The following SH3D19 variants were observed in gnomAD, a reference collection of about 807,000 sequenced individuals.
The protein encoded by SH3D19 is SH3 domain containing 19.
SH3D19 carries 58 observed loss-of-function variants against 112.1 expected under a neutral mutation model. The ratio of observed to expected loss-of-function variants is 0.52; its 90% confidence interval spans 0.42 to 0.64. SH3D19 has a LOEUF of 0.64. Among genes scored for constraint, SH3D19 ranks in the 30% least tolerant of loss-of-function variants. The probability of loss-of-function intolerance (pLI) is 0.00; values close to 1 mark genes in which losing one functional copy is unlikely to be tolerated. For synonymous variants in SH3D19, 391 were observed against 448.5 expected, an observed-to-expected ratio of 0.87 and a Z score of 1.62; for missense variants, 1,090 against 1,263.4, an observed-to-expected ratio of 0.86 and a Z score of 2.08.
At chr4:151,224,344 T>C (rs1768622334) in intron 2 of SH3D19, among the ~76,000 whole-genome samples, 1 of 152,156 alleles carries the variant, frequency 6.6e-6, no homozygotes, top group Non-Finnish European at 1.5e-5. Flanking sequence ...GAGCTACCAC[T>C]TTTAGCCTGA....
intron 3 of SH3D19, chr4:151,181,623 T>A (rs927376561): frequency 6.6e-6 from 1 of 152,202 alleles, no homozygotes; most frequent in South Asian, 2.1e-4. Flanking sequence ...ATCACCACCA[T>A]CACTAATGCT....
At chr4:151,203,483 G>A (rs902277733) in intron 2 of SH3D19, among the ~76,000 whole-genome samples, 1 of 152,010 alleles carries the variant, frequency 6.6e-6, no homozygotes, top group Non-Finnish European at 1.5e-5. Flanking sequence ...CTAAATTCAG[G>A]AAACACTCAC....
intron 1 of SH3D19, among the ~76,000 whole-genome samples, chr4:151,258,355 A>T (rs1772101600): frequency 6.6e-6 from 1 of 152,246 alleles, no homozygotes; most frequent in South Asian, 2.1e-4. Flanking sequence ...CTAGAGGCCA[A>T]GGACCTAGGG....
At chr4:151,131,804 T>C (rs541500786) in intron 17 of SH3D19, among the ~76,000 whole-genome samples, 1 of 151,086 alleles carries the variant, frequency 6.6e-6, no homozygotes, top group South Asian at 2.1e-4. Flanking sequence ...ATGAATTCTC[T>C]AATCATGTCT....
intron 1 of SH3D19, among the ~76,000 whole-genome samples, chr4:151,315,066 TC>T (rs1451246969): frequency 6.6e-6 from 1 of 152,082 alleles, no homozygotes; most frequent in African/African-American, 2.4e-5. Context: ...GGGATTCCAT[TC>T]ACCAAAAAAG....
At chr4:151,325,176 G>T in intron 1 of SH3D19, 65 bp downstream of exon 1, 1 of 911,172 alleles carries the variant, frequency 1.1e-6, no homozygotes, top group Non-Finnish European at 1.4e-6. Flanking sequence ...GTGTGGGGCA[G>T]GACCCGAGCG....
Position 151,121,985 on chromosome 4 carries a change from A to C in SH3D19, c.*106T>G. The C allele has an allele frequency of 1.5e-6, 1 of 679,580 alleles. No homozygotes were observed. Among genetic ancestry groups the C allele is most frequent in the Non-Finnish European group, 2.6e-6 (1 of 381,474 alleles). 42.1% of individuals were successfully genotyped at this position (679,580 alleles called of 1,614,324 possible). A position where few individuals can be genotyped will look rare whatever the true frequency, so the allele number is the denominator to read the frequency against. ...AATTCTAGTGTACCATGTACAGCTT[A>C]GATATTTCTTTTTCAGTTAAAAAAA... On this transcript the variant is annotated 3_prime_UTR_variant, in exon 20 of 20. Transcript: ENST00000604030.
At chr4:151,214,407 GCCGGGCAGAGGCGCCCCT>G (rs1766558253) in intron 2 of SH3D19, among the ~76,000 whole-genome samples, 1 of 46,944 alleles carries the variant, frequency 2.1e-5, no homozygotes, top group African/African-American at 3.6e-5. Flanking sequence ...CGGGGTGGTG[GCCGGGCAGAGGCGCCCCT>G]CACCTCCCGG....
intron 7 of SH3D19, among the ~76,000 whole-genome samples, chr4:151,173,219 T>A (rs1759373217): frequency 6.6e-6 from 1 of 152,268 alleles, no homozygotes; most frequent in Non-Finnish European, 1.5e-5. Context: ...CTGTTGGGTT[T>A]ATCTATCCCT....
At chr4:151,269,209 T>A (rs1773047048) in intron 1 of SH3D19, among the ~76,000 whole-genome samples, 1 of 152,234 alleles carries the variant, frequency 6.6e-6, no homozygotes, top group Admixed American at 6.5e-5. Context: ...GAGCATTTTT[T>A]CATGTGTTTT....
intron 1 of SH3D19, among the ~76,000 whole-genome samples, chr4:151,229,802 C>A (rs13141040): frequency 6.6e-6 from 1 of 152,154 alleles, no homozygotes; most frequent in African/African-American, 2.4e-5. Context: ...GTAATCCCAG[C>A]TACTCTGCGG....
At chr4:151,143,824 A>G in intron 12 of SH3D19, 86 bp downstream of exon 12, 1 of 1,424,642 alleles carries the variant, frequency 7.0e-7, no homozygotes, top group African/African-American at 1.4e-5. Flanking sequence ...GTGCTAATAA[A>G]AACCTGAAGA....
intron 1 of SH3D19, among the ~76,000 whole-genome samples, chr4:151,295,097 G>C (rs1775610776): frequency 6.6e-6 from 1 of 152,232 alleles, no homozygotes; most frequent in African/African-American, 2.4e-5. Flanking sequence ...GAAAGAAAGG[G>C]AGCAGGGGCC....
At position 151,178,876 on chromosome 4, in the gene SH3D19, CTTCT is replaced by C. The variant is rs377116904; in HGVS notation, c.236+475_236+478del. 1.3e-4 allele frequency among the ~76,000 whole-genome samples: 20 copies of C among 152,256 alleles called. No homozygotes were observed. In the East Asian group the frequency reaches 3.7e-3, roughly 28 times the overall value. On this transcript the variant is annotated intron_variant, in intron 4 of 19. Transcript: ENST00000604030. ...TTGTCCATCTGTCCACTGGTCCTTCCTTCTATCTACCCAAATATTATCTTTCCTC... is the reference window on the plus strand; with the variant it reads ...TTGTCCATCTGTCCACTGGTCCTTCCATCTACCCAAATATTATCTTTCCTC...
chr4:151,238,886 C>G (rs1770342551), intron 1 of SH3D19, among the ~76,000 whole-genome samples: 1 of 152,134 alleles, frequency 6.6e-6, no homozygotes, highest in African/African-American at 2.4e-5. Flanking sequence ...CAAGCCCACC[C>G]CTGTCCTTCC....
chr4:151,199,955 G>T (rs527309910), intron 2 of SH3D19, among the ~76,000 whole-genome samples: 1 of 152,268 alleles, frequency 6.6e-6, no homozygotes, highest in Non-Finnish European at 1.5e-5. Flanking sequence ...AAGTGATTAG[G>T]TCATAAGGGT....
chr4:151,250,723 C>T (rs1771305057), intron 1 of SH3D19, among the ~76,000 whole-genome samples: 1 of 152,290 alleles, frequency 6.6e-6, no homozygotes, highest in African/African-American at 2.4e-5. Context: ...ATTTTAATAA[C>T]AGCTATTAAT....
At chr4:151,227,448 T>C (rs1035718784) in intron 1 of SH3D19, among the ~76,000 whole-genome samples, 48 of 152,326 alleles carry the variant, frequency 3.2e-4, no homozygotes, top group East Asian at 1.2e-3. Flanking sequence ...TCCAAACACA[T>C]AGTGTTAGCA....
intron 1 of SH3D19, among the ~76,000 whole-genome samples, chr4:151,299,026 G>C (rs1017490868): frequency 1.3e-5 from 2 of 152,132 alleles, no homozygotes; most frequent in Non-Finnish European, 2.9e-5. Context: ...TTAAGGATTT[G>C]GTCATGGTCA....
Sources: gnomAD v4.1 joint callset for allele counts (sites outside exome capture counted in the v4.1 genomes callset) on GRCh38, gnomAD v4.1.1 for gene constraint, MANE v1.5 for transcripts, NCBI Gene and HGNC (gene_info 2026-07-23, HGNC 2026-07-21) for gene names.